Variants in KLHL32 observed in about 807,000 individuals in gnomAD.
KLHL32 encodes the protein kelch like family member 32.
KLHL32 carries 35 observed loss-of-function variants against 64.8 expected under a neutral mutation model. The observed-to-expected ratio is 0.54, with a 90% CI of 0.41 to 0.72. KLHL32 has a LOEUF of 0.72. KLHL32 is among the 30% of genes least tolerant of loss of function. The pLI, the probability that KLHL32 is intolerant of heterozygous loss-of-function variation, is 0.00. For missense variants in KLHL32, 589 were observed against 768.5 expected, an observed-to-expected ratio of 0.77 and a Z score of 2.76; for synonymous variants, 259 against 281.0, an observed-to-expected ratio of 0.92 and a Z score of 0.78.
chr6:97,137,310 A>G (rs1800129106), intron 10 of KLHL32, among the ~76,000 whole-genome samples: 1 of 152,210 alleles, frequency 6.6e-6, no homozygotes, highest in Admixed American at 6.5e-5. Context: ...AAATACATCA[A>G]TTAACAAGAG....
the KLHL32 span, among the ~76,000 whole-genome samples, chr6:96,900,195 CT>C: frequency 2.0e-5 from 3 of 152,152 alleles, no homozygotes; most frequent in South Asian, 6.2e-4. Flanking sequence ...CTTTGCTCAT[CT>C]TAAAATTGGG....
intron 6 of KLHL32, among the ~76,000 whole-genome samples, chr6:97,089,091 T>C (rs1793846219): frequency 6.6e-6 from 1 of 152,228 alleles, no homozygotes; most frequent in South Asian, 2.1e-4. Context: ...AAAATTATGC[T>C]AGAGTGGAAA....
At chr6:96,957,799 G>A (rs1773435931) in intron 1 of KLHL32, among the ~76,000 whole-genome samples, 3 of 152,096 alleles carry the variant, frequency 2.0e-5, no homozygotes, top group Non-Finnish European at 4.4e-5. Flanking sequence ...TATTCATGAG[G>A]GTGACTAGAT....
At chr6:97,086,506 T>C (rs1793434102) in intron 6 of KLHL32, among the ~76,000 whole-genome samples, 1 of 152,188 alleles carries the variant, frequency 6.6e-6, no homozygotes, top group East Asian at 1.9e-4. Context: ...ATGGCTATTA[T>C]CACTGCATGT....
chr6:97,029,623 C>A (rs1562259641), intron 3 of KLHL32, among the ~76,000 whole-genome samples: 1 of 152,104 alleles, frequency 6.6e-6, no homozygotes, highest in Non-Finnish European at 1.5e-5. Flanking sequence ...TTTAGCTCTC[C>A]AGGTGGATTG....
chr6:97,057,188 T>C (rs1313294382), intron 4 of KLHL32, among the ~76,000 whole-genome samples: 12 of 102,234 alleles, frequency 1.2e-4, no homozygotes, highest in Admixed American at 3.1e-4. Context: ...TTTTTTTTTT[T>C]TTTTTTTTTT....
At chr6:97,127,556 C>A (rs1799004579) in intron 8 of KLHL32, 94 bp downstream of exon 8, 8 of 957,496 alleles carry the variant, frequency 8.4e-6, no homozygotes, top group Non-Finnish European at 1.7e-6. Flanking sequence ...TGTACACACA[C>A]AGATATGCAT....
intron 3 of KLHL32, among the ~76,000 whole-genome samples, chr6:97,020,233 A>G (rs945429642): frequency 2.7e-5 from 4 of 150,410 alleles, no homozygotes; most frequent in African/African-American, 1.0e-4. Flanking sequence ...GAGCCACTGC[A>G]CCCAGCCTAT....
At chr6:97,043,473 A>C (rs1218297065) in intron 4 of KLHL32, among the ~76,000 whole-genome samples, 11 of 152,262 alleles carry the variant, frequency 7.2e-5, no homozygotes, top group Non-Finnish European at 1.6e-4. Flanking sequence ...GATGATGGAC[A>C]ACTAGGTTGC....
At chr6:96,946,191 A>G (rs1298994111) in intron 1 of KLHL32, among the ~76,000 whole-genome samples, 1 of 152,144 alleles carries the variant, frequency 6.6e-6, no homozygotes, top group Non-Finnish European at 1.5e-5. Context: ...TATTTTAAAT[A>G]TTTTGTTTTA....
At chr6:97,078,605 A>G (rs1218366614) in intron 5 of KLHL32, among the ~76,000 whole-genome samples, 1 of 152,164 alleles carries the variant, frequency 6.6e-6, no homozygotes, top group East Asian at 1.9e-4. Context: ...ATTATCTTTA[A>G]CCCAAGTCAT....
chr6:97,113,766 A>G lies in KLHL32; in HGVS notation c.628-17A>G. Reference sequence around the variant, plus strand: ...TTACCTTTGTGTCTCCTCTCATCTCACTTCCCTCTGTTTCAGCTAGCTGTG... The same window carrying G: ...TTACCTTTGTGTCTCCTCTCATCTCGCTTCCCTCTGTTTCAGCTAGCTGTG... On this transcript the variant is annotated splice_polypyrimidine_tract_variant and intron_variant, in intron 6 of 10. Transcript: ENST00000369261. 1 of 1,603,150 alleles carries G rather than the reference A, an allele frequency of 6.2e-7. No homozygotes were observed. Among genetic ancestry groups the G allele is most frequent in the Non-Finnish European group, 8.5e-7 (1 of 1,171,878 alleles).
chr6:97,055,625 C>G (rs577878091), intron 4 of KLHL32, among the ~76,000 whole-genome samples: 25 of 151,976 alleles, frequency 1.6e-4, no homozygotes, highest in Non-Finnish European at 3.2e-4. Flanking sequence ...TGGTGAAACT[C>G]TGTCTCTACT....
At chr6:97,101,014 C>T (rs183769296) in intron 6 of KLHL32, among the ~76,000 whole-genome samples, 166 of 130,154 alleles carry the variant, frequency 1.3e-3, no homozygotes, top group Middle Eastern at 5.6e-3. Context: ...CCCTATGTTG[C>T]CCAGGTTAGT....
intron 3 of KLHL32, among the ~76,000 whole-genome samples, chr6:96,987,066 C>A (rs570253603): frequency 6.4e-4 from 98 of 152,302 alleles, no homozygotes; most frequent in African/African-American, 2.3e-3. Context: ...TCCCCTTTAT[C>A]ATTTTTTATT....
rs147541250 is a variant in KLHL32 at position 97,132,735 on chromosome 6, G to T, written c.1689G>T (p.Leu563=). Residue 563 remains leucine (L), a synonymous_variant, in exon 10 of 11, where the codon CTG becomes CTT. Coordinates refer to ENST00000369261, the MANE Select transcript of KLHL32 (RefSeq NM_052904.4). The part of the protein sequence containing the change: ...GGYSIWTNEP[L]ACIQVLDVSR... ...ATTCAATTTGGACAAATGAGCCTCT[G>T]GCTTGTATCCAGGTGAGTGGTAGAA... 3 of 1,611,308 alleles carry T rather than the reference G, an allele frequency of 1.9e-6. No individual in the cohort carries two copies. The African/African-American group carries it at 4.0e-5, about 22-fold the overall frequency.
At chr6:97,015,675 A>C (rs1197379324) in intron 3 of KLHL32, among the ~76,000 whole-genome samples, 1 of 152,202 alleles carries the variant, frequency 6.6e-6, no homozygotes, top group Admixed American at 6.5e-5. Context: ...TTTTCTGGGG[A>C]GACGTTCAAG....
intron 3 of KLHL32, among the ~76,000 whole-genome samples, chr6:97,017,972 T>C (rs1297249108): frequency 6.6e-6 from 1 of 152,086 alleles, no homozygotes; most frequent in Non-Finnish European, 1.5e-5. Context: ...CATGAGTGAG[T>C]GAAGTCACTG....
chr6:96,980,053 G>C (rs536181499), intron 3 of KLHL32, among the ~76,000 whole-genome samples: 1 of 152,260 alleles, frequency 6.6e-6, no homozygotes, highest in African/African-American at 2.4e-5. Flanking sequence ...AGATTTAGGA[G>C]ATATGGGGCA....
Sources: gnomAD v4.1 joint callset for allele counts (sites outside exome capture counted in the v4.1 genomes callset) on GRCh38, gnomAD v4.1.1 for gene constraint, MANE v1.5 for transcripts, NCBI Gene and HGNC (gene_info 2026-07-23, HGNC 2026-07-21) for gene names.